Variants in WDPCP observed in about 807,000 individuals in gnomAD.
WDPCP encodes WD repeat containing planar cell polarity effector, also known as WD repeat-containing and planar cell polarity effector protein fritz homolog.
WDPCP carries 71 observed loss-of-function variants against 93.1 expected under a neutral mutation model. The observed-to-expected ratio is 0.76, with a 90% CI of 0.63 to 0.93. WDPCP has a LOEUF of 0.93. Among genes scored for constraint, WDPCP ranks in the 40% least tolerant of loss-of-function variants. The pLI is 0.00. For synonymous variants in WDPCP, 315 were observed against 315.0 expected (o/e 1.00, Z 0.00); for missense variants, 844 against 887.4 (o/e 0.95, Z 0.62).
intron 8 of WDPCP, 121 bp from the exon 9 acceptor site, chr2:63,434,057 C>A: frequency 1.0e-6 from 1 of 988,600 alleles, no homozygotes; most frequent in South Asian, 1.5e-5. Flanking sequence ...GCATGTTAAA[C>A]ATGTGCGTAA....
intron 12 of WDPCP, among the ~76,000 whole-genome samples, chr2:63,350,249 T>G (rs762714311): frequency 4.6e-5 from 7 of 152,016 alleles, no homozygotes; most frequent in Non-Finnish European, 8.8e-5. Context: ...ATGGGAACAC[T>G]TGGACACATG....
intron 4 of WDPCP, among the ~76,000 whole-genome samples, chr2:63,486,033 C>T (rs1700555906): frequency 6.6e-6 from 1 of 151,784 alleles, no homozygotes; most frequent in East Asian, 1.9e-4. Context: ...GGATTTTCAG[C>T]TCTAGCTATA....
At chr2:63,172,180 G>A (rs1673441675) in intron 15 of WDPCP, among the ~76,000 whole-genome samples, 1 of 152,052 alleles carries the variant, frequency 6.6e-6, no homozygotes, top group South Asian at 2.1e-4. Flanking sequence ...GTGAATTTAT[G>A]GTATATGTAA....
At chr2:63,333,764 A>T (rs989982225) in intron 12 of WDPCP, among the ~76,000 whole-genome samples, 7 of 152,158 alleles carry the variant, frequency 4.6e-5, no homozygotes, top group Non-Finnish European at 1.0e-4. Flanking sequence ...CACTCTGACC[A>T]CTTTGGGCAC....
At chr2:63,484,542 A>G in intron 6 of WDPCP, 62 bp downstream of exon 6, 2 of 1,593,966 alleles carry the variant, frequency 1.3e-6, no homozygotes, top group Non-Finnish European at 1.7e-6. Flanking sequence ...AAGAATACCA[A>G]TTACTACATA....
rs746829566 is a variant in WDPCP, at chr2:63,625,225, C to T, written n.488+25434G>A. ...TGACAAACCCATAGCCAATATCATA[C>T]GGAATGGGCAAAAGCTGGAAGCATT... On this transcript the variant is annotated intron_variant and non_coding_transcript_variant, in intron 3 of 4. Coordinates refer to the WDPCP transcript ENST00000467687. Among the ~76,000 whole-genome samples the T allele has an allele frequency of 2.7e-4, 41 of 152,124 alleles. 1 individual carries two copies. The highest frequency in any genetic ancestry group is 1.8e-3 in the Admixed American group (27 of 15,274).
chr2:63,656,843 A>G (rs1011904827), intron 2 of WDPCP, among the ~76,000 whole-genome samples: 1 of 152,150 alleles, frequency 6.6e-6, no homozygotes, highest in Non-Finnish European at 1.5e-5. Flanking sequence ...AAGGGGGCTG[A>G]GGAATGAAAG....
chr2:63,692,223 CA>C lies in WDPCP; in HGVS notation n.309-41386del, dbSNP rs897952494. 3.3e-5 allele frequency among the ~76,000 whole-genome samples: 5 copies of C among 150,796 alleles called. No homozygotes were observed. The South Asian group carries it at 8.4e-4, about 25-fold the overall frequency. The stretch of plus-strand genomic sequence containing the variant: ...AGCAGATGGCTCTACAGAGCAACAA[CA>C]AAAAAAATCACGACATAATTTAAAA... On this transcript the variant is annotated intron_variant and non_coding_transcript_variant, in intron 2 of 4. Coordinates refer to the WDPCP transcript ENST00000467687.
In WDPCP at chr2:63,339,184, T is replaced by G. The variant is rs2104438870; in HGVS notation, c.1749-25873A>C. 2.6e-5 allele frequency among the ~76,000 whole-genome samples: 4 copies of G among 152,254 alleles called. No individual in the cohort carries two copies. The South Asian group carries it at 8.3e-4, about 32-fold the overall frequency. On this transcript the variant is annotated intron_variant, in intron 12 of 17. Transcript: ENST00000272321. ...CCTGATTTCTTATTTTTTTAATTTTTATTTTTTGAGATGGAGTCTCACTCT... is the reference window on the plus strand; with the variant it reads ...CCTGATTTCTTATTTTTTTAATTTTGATTTTTTGAGATGGAGTCTCACTCT...
At chr2:63,323,799 C>A (rs1408225405) in intron 12 of WDPCP, among the ~76,000 whole-genome samples, 1 of 152,118 alleles carries the variant, frequency 6.6e-6, no homozygotes, top group Non-Finnish European at 1.5e-5. Context: ...GCCACTAAAT[C>A]CGACCTTTCT....
At chr2:63,440,570 A>G (rs1181746975) in intron 6 of WDPCP, 1 of 152,492 alleles carries the variant, frequency 6.6e-6, no homozygotes, top group African/African-American at 2.4e-5. Flanking sequence ...CACCATTATA[A>G]TTTTATACTG....
intron 13 of WDPCP, among the ~76,000 whole-genome samples, chr2:63,265,079 A>C (rs1397429545): frequency 2.0e-5 from 3 of 152,204 alleles, no homozygotes; most frequent in Non-Finnish European, 4.4e-5. Context: ...ATATGGTAAA[A>C]AGTGCCTACT....
At chr2:63,455,729 T>C (rs1232095429) in intron 6 of WDPCP, among the ~76,000 whole-genome samples, 1 of 152,046 alleles carries the variant, frequency 6.6e-6, no homozygotes, top group South Asian at 2.1e-4. Flanking sequence ...AACACAATAA[T>C]AGTAGGAGGC....
intron 3 of WDPCP, chr2:63,605,510 C>A: frequency 1.4e-6 from 1 of 737,308 alleles, no homozygotes; most frequent in South Asian, 1.8e-5. Flanking sequence ...CTCAGCTCAG[C>A]TGCCTATTAA....
chr2:63,688,884 T>C (rs1311660235), intron 2 of WDPCP, among the ~76,000 whole-genome samples: 4 of 152,222 alleles, frequency 2.6e-5, no homozygotes, highest in African/African-American at 9.6e-5. Flanking sequence ...TCCTCATGAA[T>C]GGATTAATGC....
chr2:63,276,214 CA>C (rs1683079787), intron 13 of WDPCP, among the ~76,000 whole-genome samples: 1 of 152,152 alleles, frequency 6.6e-6, no homozygotes, highest in Non-Finnish European at 1.5e-5. Flanking sequence ...CTCCATGGAA[CA>C]AAAGAATCTG....
rs10211176 is a variant in WDPCP, at chr2:63,164,403, C to T, written c.2078+10267G>A. Among the ~76,000 whole-genome samples, 132 of 152,184 alleles carry T rather than the reference C, an allele frequency of 8.7e-4. No individual in the cohort carries two copies. In the Middle Eastern group the frequency reaches 0.01, roughly 12 times the overall value. ...TCTCATGAATGGCTTAGCACTGTCCCCTTGGTGCTGTTCTTGTGATAGCAA... is the reference window on the plus strand; with the variant it reads ...TCTCATGAATGGCTTAGCACTGTCCTCTTGGTGCTGTTCTTGTGATAGCAA... On this transcript the variant is annotated intron_variant, in intron 15 of 17. Coordinates refer to ENST00000272321, the MANE Select transcript of WDPCP (RefSeq NM_015910.7).
At chr2:63,432,838 A>C (rs1696862980) in intron 9 of WDPCP, among the ~76,000 whole-genome samples, 1 of 152,182 alleles carries the variant, frequency 6.6e-6, no homozygotes, top group Non-Finnish European at 1.5e-5. Flanking sequence ...AACTAAAGTC[A>C]GATAGGGTAG....
At chr2:63,743,680 C>G (rs1373349094) in intron 2 of WDPCP, among the ~76,000 whole-genome samples, 1 of 152,080 alleles carries the variant, frequency 6.6e-6, no homozygotes, top group Non-Finnish European at 1.5e-5. Flanking sequence ...AGTTGAGCAA[C>G]TTGATATCAA....
Sources: gnomAD v4.1 joint callset for allele counts (sites outside exome capture counted in the v4.1 genomes callset) on GRCh38, gnomAD v4.1.1 for gene constraint, MANE v1.5 for transcripts, NCBI Gene and HGNC (gene_info 2026-07-23, HGNC 2026-07-21) for gene names.